PDZRN4: variants seen among roughly 807,000 people sequenced by gnomAD.
PDZRN4 encodes PDZ domain-containing RING finger protein 4.
A neutral mutation model predicts 99.0 loss-of-function variants in PDZRN4; 70 were observed. The ratio of observed to expected loss-of-function variants is 0.71; its 90% CI spans 0.58 to 0.86. The LOEUF (loss-of-function observed/expected upper bound fraction) is 0.86, where lower values mean the gene tolerates loss of function less well. Ranked by LOEUF, PDZRN4 falls within the 40% of genes least tolerant of loss-of-function variation. The probability of loss-of-function intolerance (pLI) is 0.00; values close to 1 mark genes in which losing one functional copy is unlikely to be tolerated. For synonymous variants in PDZRN4, 551 were observed against 501.6 expected (o/e 1.10, Z -1.32); for missense variants, 1,474 against 1,331.2 (o/e 1.11, Z -1.67).
intron 3 of PDZRN4, among the ~76,000 whole-genome samples, chr12:41,292,885 T>C (rs146387466): frequency 6.8e-4 from 103 of 151,986 alleles, no homozygotes; most frequent in African/African-American, 2.4e-3. Flanking sequence ...CAACTCCAAA[T>C]CCTCACTATT....
intron 3 of PDZRN4, among the ~76,000 whole-genome samples, chr12:41,354,606 A>G (rs1051558491): frequency 9.9e-5 from 15 of 152,108 alleles, no homozygotes; most frequent in African/African-American, 3.6e-4. Context: ...GAATTGCCAG[A>G]ACTCTTGGCA....
intron 3 of PDZRN4, among the ~76,000 whole-genome samples, chr12:41,476,319 C>G (rs970949799): frequency 1.8e-4 from 27 of 152,094 alleles, no homozygotes; most frequent in Non-Finnish European, 2.1e-4. Flanking sequence ...GCTAAAGAAA[C>G]AGCATAACAA....
chr12:41,528,468 A>G (rs1938608032), intron 5 of PDZRN4, among the ~76,000 whole-genome samples: 1 of 152,204 alleles, frequency 6.6e-6, no homozygotes, highest in African/African-American at 2.4e-5. Flanking sequence ...TAGAAAGGAA[A>G]GAGCCAAATT....
intron 3 of PDZRN4, among the ~76,000 whole-genome samples, chr12:41,245,205 A>T (rs1388249332): frequency 6.6e-6 from 1 of 152,130 alleles, no homozygotes; most frequent in African/African-American, 2.4e-5. Context: ...TCCCCGAGCA[A>T]AAGATTTCTG....
intron 3 of PDZRN4, among the ~76,000 whole-genome samples, chr12:41,380,456 T>C (rs1437203649): frequency 6.6e-6 from 1 of 152,086 alleles, no homozygotes; most frequent in East Asian, 1.9e-4. Context: ...GATGACTTTT[T>C]TGTGGCAGCA....
At chr12:41,252,982 A>G (rs1951181055) in intron 3 of PDZRN4, among the ~76,000 whole-genome samples, 1 of 152,204 alleles carries the variant, frequency 6.6e-6, no homozygotes, top group South Asian at 2.1e-4. Context: ...TGAAAGAAAA[A>G]TATGAATATT....
At chr12:41,227,900 CA>C (rs879730713) in intron 3 of PDZRN4, among the ~76,000 whole-genome samples, 13 of 151,688 alleles carry the variant, frequency 8.6e-5, no homozygotes, top group Non-Finnish European at 1.3e-4. Context: ...CACACACACA[CA>C]CACACACACA....
chr12:41,341,305 G>C (rs1951815389), intron 3 of PDZRN4, among the ~76,000 whole-genome samples: 2 of 151,666 alleles, frequency 1.3e-5, no homozygotes, highest in African/African-American at 4.8e-5. Context: ...CATTACAAAG[G>C]TGCCTACTTT....
At chr12:41,396,644 A>G (rs1385758719) in intron 3 of PDZRN4, among the ~76,000 whole-genome samples, 1 of 152,160 alleles carries the variant, frequency 6.6e-6, no homozygotes, top group African/African-American at 2.4e-5. Context: ...GTGTCATCAG[A>G]AAGCTGAACT....
At chr12:41,540,881 TGTTGTTGTTGTCCCTTTTCTTC>T (rs1341790084) in intron 5 of PDZRN4, among the ~76,000 whole-genome samples, 4 of 113,456 alleles carry the variant, frequency 3.5e-5, no homozygotes, top group African/African-American at 1.1e-4. Flanking sequence ...TTGTTGTTGT[TGTTGTTGTTGTCCCTTTTCTTC>T]GTTGTTGTTG....
chr12:41,506,950 G>C (rs184283730), intron 4 of PDZRN4, among the ~76,000 whole-genome samples: 97 of 152,180 alleles, frequency 6.4e-4, no homozygotes, highest in African/African-American at 2.3e-3. Flanking sequence ...GCTAGCTGCT[G>C]TGAAAAATTC....
chr12:41,506,805 C>A (rs972399159), intron 4 of PDZRN4, 93 bp downstream of exon 4: 2 of 1,403,396 alleles, frequency 1.4e-6, no homozygotes, highest in Non-Finnish European at 1.9e-6. Context: ...AGCAGGTTGA[C>A]AGTTATGGAG....
chr12:41,274,045 A>G (rs934914736), intron 3 of PDZRN4, among the ~76,000 whole-genome samples: 3 of 152,104 alleles, frequency 2.0e-5, no homozygotes, highest in African/African-American at 7.2e-5. Flanking sequence ...CATGGCATTT[A>G]AGTTAAGTTC....
At chr12:41,441,501 A>C (rs1458169) in intron 3 of PDZRN4, among the ~76,000 whole-genome samples, 31,597 of 152,138 alleles carry the variant, frequency 0.21, 3,638 homozygotes, top group Non-Finnish European at 0.26. Context: ...GACAATGAGA[A>C]GTTAGAATAT....
At chr12:41,552,428 G>A (rs1217081997) in intron 5 of PDZRN4, among the ~76,000 whole-genome samples, 1 of 151,870 alleles carries the variant, frequency 6.6e-6, no homozygotes, top group Non-Finnish European at 1.5e-5. Flanking sequence ...AAACAACTGT[G>A]TATCTCCAAA....
chr12:41,462,460 A>G (rs2120538440), intron 3 of PDZRN4, among the ~76,000 whole-genome samples: 1 of 152,316 alleles, frequency 6.6e-6, no homozygotes, highest in Non-Finnish European at 1.5e-5. Context: ...GATGCTGCTA[A>G]TCTCTCTACC....
chr12:41,225,768 T>G (rs1425063320), intron 3 of PDZRN4, among the ~76,000 whole-genome samples: 1 of 152,160 alleles, frequency 6.6e-6, no homozygotes, highest in East Asian at 1.9e-4. Flanking sequence ...TCGTCAATTG[T>G]GTCATATCCA....
At chr12:41,520,787 A>G (rs1405791912) in intron 5 of PDZRN4, among the ~76,000 whole-genome samples, 1 of 152,078 alleles carries the variant, frequency 6.6e-6, no homozygotes, top group Non-Finnish European at 1.5e-5. Context: ...ATGTTTACAG[A>G]TGAAGCACTG....
chr12:41,528,415 G>A (rs1437304265), intron 5 of PDZRN4, among the ~76,000 whole-genome samples: 2 of 152,170 alleles, frequency 1.3e-5, no homozygotes, highest in Non-Finnish European at 2.9e-5. Context: ...TTACAAATGA[G>A]ATTGTGGTTA....
Sources: gnomAD v4.1 joint callset for allele counts (sites outside exome capture counted in the v4.1 genomes callset) on GRCh38, gnomAD v4.1.1 for gene constraint, MANE v1.5 for transcripts, NCBI Gene and HGNC (gene_info 2026-07-23, HGNC 2026-07-21) for gene names.